MUSK: variants seen among roughly 807,000 people sequenced by gnomAD.
The protein encoded by MUSK is muscle associated receptor tyrosine kinase.
In MUSK, 55 loss-of-function variants were observed where a neutral mutation model predicts 88.7. That is an observed-to-expected ratio of 0.62 (90% CI 0.50 to 0.78). MUSK has a LOEUF of 0.78. Among genes scored for constraint, MUSK ranks in the 30% least tolerant of loss-of-function variants. MUSK has a pLI of 0.00. For synonymous variants in MUSK, 387 were observed against 391.9 expected, an observed-to-expected ratio of 0.99 and a Z score of 0.15; for missense variants, 1,015 against 1,074.3, an observed-to-expected ratio of 0.94 and a Z score of 0.77.
intron 9 of MUSK, among the ~76,000 whole-genome samples, chr9:110,772,698 C>A (rs572200798): frequency 6.6e-6 from 1 of 152,008 alleles, no homozygotes; most frequent in East Asian, 1.9e-4. Flanking sequence ...AATAGTGATG[C>A]GTCAAAATTT....
At chr9:110,797,425 A>C (rs1588050481) in intron 14 of MUSK, among the ~76,000 whole-genome samples, 1 of 151,994 alleles carries the variant, frequency 6.6e-6, no homozygotes. Flanking sequence ...GAGGTATACA[A>C]ATGTATGGAA....
chr9:110,768,158 G>A, intron 9 of MUSK, 75 bp downstream of exon 9: 1 of 1,396,486 alleles, frequency 7.2e-7, no homozygotes, highest in African/African-American at 1.4e-5. Context: ...TTTGAAAAAT[G>A]TTGTAATATG....
chr9:110,748,710 T>A (rs566842043), intron 7 of MUSK, among the ~76,000 whole-genome samples: 3 of 152,314 alleles, frequency 2.0e-5, no homozygotes, highest in African/African-American at 7.2e-5. Context: ...GCCTGCTGTT[T>A]CTTATTACAG....
At position 110,800,927 on chromosome 9, in the gene MUSK, C is replaced by T; in HGVS notation, c.2549C>T (p.Thr850Ile). Residue 850 changes from threonine to isoleucine, a missense_variant, in exon 15 of 15, where the codon ACC becomes ATC. Physicochemically the swap from Thr to Ile is moderately conservative, Grantham distance 89 (BLOSUM62 -1). Transcript: ENST00000374448. ...SKLPADRPSFTSIHRILERMC... is the reference protein window; with the variant it reads ...SKLPADRPSFISIHRILERMC... ...CTGCCTGCAGACAGACCCAGTTTCA[C>T]CAGTATTCACCGAATTCTGGAACGC... is the stretch of plus-strand genomic sequence containing the variant. 1 of 1,531,196 alleles carries T rather than the reference C, an allele frequency of 6.5e-7. No homozygotes were observed. Among genetic ancestry groups the T allele is most frequent in the African/African-American group, 1.4e-5 (1 of 72,304 alleles). The allele number at this position is 1,531,196 out of a possible 1,614,324, so 94.9% of individuals were successfully genotyped here.
intron 7 of MUSK, among the ~76,000 whole-genome samples, chr9:110,749,271 G>T (rs1357454210): frequency 6.6e-6 from 1 of 152,134 alleles, no homozygotes; most frequent in Non-Finnish European, 1.5e-5. Context: ...TATGGCACTG[G>T]CTGTATTCTA....
intron 14 of MUSK, among the ~76,000 whole-genome samples, chr9:110,788,461 A>G (rs1317917177): frequency 2.0e-5 from 3 of 151,990 alleles, no homozygotes; most frequent in Non-Finnish European, 2.9e-5. Context: ...GTGAAATCCC[A>G]TCTCTACTAA....
chr9:110,751,388 T>C (rs558151573), intron 7 of MUSK, among the ~76,000 whole-genome samples: 1 of 151,704 alleles, frequency 6.6e-6, no homozygotes, highest in Non-Finnish European at 1.5e-5. Context: ...TAGATATCAG[T>C]GTTGAGAAAG....
At chr9:110,692,242 C>T (rs1242053925) in intron 3 of MUSK, among the ~76,000 whole-genome samples, 1 of 152,064 alleles carries the variant, frequency 6.6e-6, no homozygotes, top group Admixed American at 6.6e-5. Context: ...TCACTGCAGC[C>T]TTGACTGCTT....
chr9:110,683,067 C>A (rs1279308560), intron 2 of MUSK, among the ~76,000 whole-genome samples: 1 of 143,432 alleles, frequency 7.0e-6, no homozygotes, highest in Non-Finnish European at 1.5e-5. Flanking sequence ...AATAGTAGGA[C>A]TTTTTCATTC....
chr9:110,778,045 A>AT (rs1346799975), intron 11 of MUSK, among the ~76,000 whole-genome samples: 2 of 152,088 alleles, frequency 1.3e-5, no homozygotes, highest in African/African-American at 4.8e-5. Context: ...CATATTTTAT[A>AT]GGGGTGTGTA....
chr9:110,776,505 G>T (rs981212945), intron 10 of MUSK, 127 bp from the exon 11 acceptor site: 2 of 759,624 alleles, frequency 2.6e-6, no homozygotes, highest in Non-Finnish European at 4.4e-6. Context: ...CGAATGCAAA[G>T]AATGTTTTCC....
chr9:110,669,083 G>A, intron 1 of MUSK, 100 bp downstream of exon 1: 2 of 1,080,248 alleles, frequency 1.9e-6, no homozygotes, highest in East Asian at 4.7e-5. Context: ...GGTGGGCTTG[G>A]GTTTTACTTG....
chr9:110,729,180 T>C (rs970155346), intron 5 of MUSK, among the ~76,000 whole-genome samples: 4 of 150,150 alleles, frequency 2.7e-5, no homozygotes, highest in African/African-American at 9.8e-5. Context: ...TTGCTCCAAA[T>C]CAATAAAAAT....
chr9:110,687,116 G>A lies in MUSK; in HGVS notation c.207-1G>A. On this transcript the variant is annotated splice_acceptor_variant, in intron 2 of 14. Transcript: ENST00000374448. LOFTEE classifies it high-confidence loss of function. ...CTGTCATTTTTTTCTGTGACCTGCA[G>A]ACTCTTTGACACCCGGTACAGCATC... 1.2e-6 allele frequency: 2 copies of A among 1,611,294 alleles called. No individual in the cohort carries two copies. The highest frequency in any genetic ancestry group is 2.2e-5 in the East Asian group (1 of 44,796).
rs116041105 is a variant in MUSK, at chr9:110,790,286, G to A, written c.1927+2448G>A. Among the ~76,000 whole-genome samples, 243 of 152,140 alleles carry A rather than the reference G, an allele frequency of 1.6e-3. 1 individual carries two copies. Among genetic ancestry groups the A allele is most frequent in the African/African-American group, 5.5e-3 (229 of 41,528 alleles). On this transcript the variant is annotated intron_variant, in intron 14 of 14. Transcript: ENST00000374448. The stretch of plus-strand genomic sequence containing the variant: ...TGTTGGGGGCAGAGGAAATGTAAGT[G>A]AGCTCAAAAGAAGAGGAAGAGAAAA...
chr9:110,804,608 T>C lies in MUSK; in HGVS notation c.*3620T>C, dbSNP rs1214643312. ...TTTTCTAATCGAATTATGGGATTTATCTTGTAAAAAGCCTATTAAGCCTTT... is the reference window on the plus strand; with the variant it reads ...TTTTCTAATCGAATTATGGGATTTACCTTGTAAAAAGCCTATTAAGCCTTT... On this transcript the variant is annotated 3_prime_UTR_variant, in exon 15 of 15. Transcript: ENST00000374448. 6.6e-6 allele frequency among the ~76,000 whole-genome samples: 1 copy of C among 152,060 alleles called. No individual in the cohort carries two copies. The highest frequency in any genetic ancestry group is 2.4e-5 in the African/African-American group (1 of 41,458).
chr9:110,675,134 G>A (rs191068547), intron 1 of MUSK, among the ~76,000 whole-genome samples: 85 of 151,614 alleles, frequency 5.6e-4, no homozygotes, highest in Non-Finnish European at 8.7e-4. Context: ...GAGACACTGA[G>A]GTTAAGTGTG....
At chr9:110,677,315 C>A (rs2076044685) in intron 1 of MUSK, among the ~76,000 whole-genome samples, 1 of 152,232 alleles carries the variant, frequency 6.6e-6, no homozygotes, top group South Asian at 2.1e-4. Flanking sequence ...CCCACCACTG[C>A]AATCTGGCTT....
chr9:110,701,463 CT>C (rs1287210300), intron 5 of MUSK, among the ~76,000 whole-genome samples: 2 of 151,908 alleles, frequency 1.3e-5, no homozygotes, highest in Non-Finnish European at 2.9e-5. Flanking sequence ...TCTTTCTTTT[CT>C]TTTCTTTCTT....
Sources: gnomAD v4.1 joint callset for allele counts (sites outside exome capture counted in the v4.1 genomes callset) on GRCh38, gnomAD v4.1.1 for gene constraint, MANE v1.5 for transcripts, NCBI Gene and HGNC (gene_info 2026-07-23, HGNC 2026-07-21) for gene names.